The following NBEA variants were observed in gnomAD, a reference collection of about 807,000 sequenced individuals.
NBEA encodes neurobeachin.
Under a neutral mutation model 343.4 loss-of-function variants are expected in NBEA, and 44 were observed. The observed-to-expected ratio is 0.13, with a 90% CI of 0.10 to 0.16. The LOEUF (loss-of-function observed/expected upper bound fraction) is 0.16, where lower values mean the gene tolerates loss of function less well. Ranked by LOEUF, NBEA falls within the 10% of genes least tolerant of loss-of-function variation. The pLI is 1.00. For synonymous variants in NBEA, 1,175 were observed against 1,238.7 expected, an observed-to-expected ratio of 0.95 and a Z score of 1.08; for missense variants, 2,555 against 3,631.3, an observed-to-expected ratio of 0.70 and a Z score of 7.62.
chr13:34,944,652 T>A (rs2059134129), intron 1 of NBEA, among the ~76,000 whole-genome samples: 1 of 152,014 alleles, frequency 6.6e-6, no homozygotes, highest in South Asian at 2.1e-4. Flanking sequence ...AAATAAGAGG[T>A]CAGTACTTGC....
At chr13:35,270,068 A>G (rs554632752) in intron 34 of NBEA, among the ~76,000 whole-genome samples, 3 of 152,294 alleles carry the variant, frequency 2.0e-5, no homozygotes, top group African/African-American at 7.2e-5. Flanking sequence ...ACTTGACCTG[A>G]TGTTCTGAGA....
intron 1 of NBEA, among the ~76,000 whole-genome samples, chr13:34,948,709 G>A (rs1201447804): frequency 2.0e-5 from 3 of 152,100 alleles, no homozygotes; most frequent in African/African-American, 7.2e-5. Context: ...TAGCAGTTCC[G>A]TTTTACAGAG....
intron 31 of NBEA, among the ~76,000 whole-genome samples, chr13:35,202,618 C>A (rs977790596): frequency 6.6e-6 from 1 of 152,106 alleles, no homozygotes; most frequent in Non-Finnish European, 1.5e-5. Context: ...TATCCTTATA[C>A]CACTTTTCCT....
intron 17 of NBEA, among the ~76,000 whole-genome samples, chr13:35,139,889 G>T (rs555437771): frequency 6.6e-6 from 1 of 151,446 alleles, no homozygotes; most frequent in Non-Finnish European, 1.5e-5. Context: ...AGTTTCCCCC[G>T]AACCTAGAAT....
chr13:35,124,428 A>G (rs570199554), intron 17 of NBEA, among the ~76,000 whole-genome samples: 11 of 151,260 alleles, frequency 7.3e-5, no homozygotes, highest in Admixed American at 2.0e-4. Flanking sequence ...TAGATATACT[A>G]TGGATATGGA....
At chr13:35,355,124 A>ACTG (rs2040419166) in intron 38 of NBEA, among the ~76,000 whole-genome samples, 1 of 152,114 alleles carries the variant, frequency 6.6e-6, no homozygotes, top group Non-Finnish European at 1.5e-5. Context: ...TCCAGCTTCG[A>ACTG]CTGCTTCTCA....
intron 44 of NBEA, among the ~76,000 whole-genome samples, chr13:35,558,726 C>T (rs2079708209): frequency 6.6e-6 from 1 of 152,234 alleles, no homozygotes; most frequent in African/African-American, 2.4e-5. Flanking sequence ...CTAGTTGGTT[C>T]TGATACAAAA....
intron 41 of NBEA, among the ~76,000 whole-genome samples, chr13:35,507,750 G>A (rs1385760080): frequency 3.3e-5 from 5 of 152,092 alleles, no homozygotes; most frequent in Non-Finnish European, 7.4e-5. Context: ...ATGTAGATAA[G>A]CCTCTTCTGG....
At chr13:35,442,961 A>G (rs374880736) in intron 39 of NBEA, among the ~76,000 whole-genome samples, 8 of 152,114 alleles carry the variant, frequency 5.3e-5, no homozygotes, top group African/African-American at 1.4e-4. Context: ...TATTGATCCA[A>G]TTCTTTTGCT....
chr13:35,260,839 G>A (rs2033143778), intron 34 of NBEA, among the ~76,000 whole-genome samples: 1 of 152,182 alleles, frequency 6.6e-6, no homozygotes. Flanking sequence ...GGGACAGAGA[G>A]TAGACAGTCC....
intron 36 of NBEA, among the ~76,000 whole-genome samples, chr13:35,323,606 C>G (rs961945761): frequency 4.0e-5 from 6 of 150,886 alleles, no homozygotes; most frequent in African/African-American, 1.5e-4. Context: ...GGAGATATAC[C>G]TAATGCTAGA....
intron 28 of NBEA, among the ~76,000 whole-genome samples, chr13:35,181,325 A>G (rs2152730152): frequency 6.6e-6 from 1 of 151,608 alleles, no homozygotes; most frequent in African/African-American, 2.4e-5. Context: ...CATCTGTGCT[A>G]ATAACTATTA....
chr13:35,662,236 GA>G (rs776708173), intron 55 of NBEA, among the ~76,000 whole-genome samples: 1 of 152,138 alleles, frequency 6.6e-6, no homozygotes, highest in Non-Finnish European at 1.5e-5. Context: ...TGTCTATAAG[GA>G]ATCTAAAAAT....
At chr13:35,016,920 G>T (rs1378522940) in intron 1 of NBEA, among the ~76,000 whole-genome samples, 1 of 152,100 alleles carries the variant, frequency 6.6e-6, no homozygotes, top group Non-Finnish European at 1.5e-5. Context: ...CTGAGTGATT[G>T]GATCCTTTAA....
intron 10 of NBEA, among the ~76,000 whole-genome samples, chr13:35,078,669 G>A (rs1148328): frequency 0.92 from 139,572 of 152,184 alleles, 64,133 homozygotes; most frequent in Admixed American, 0.97. Context: ...TGGAAAAGTC[G>A]GTAATTGGGA....
chr13:35,093,355 A>T lies in NBEA; in HGVS notation c.1572-4942A>T, dbSNP rs1419249589. Among the ~76,000 whole-genome samples, 7 of 151,990 alleles carry T rather than the reference A, an allele frequency of 4.6e-5. No homozygotes were observed. The East Asian group carries it at 1.4e-3, about 29-fold the overall frequency. ...GAGAAATTTCACTGCATGGTCATTT[A>T]AAAAATAAAATTAACTATTAAAAGA... On this transcript the variant is annotated intron_variant, in intron 10 of 58. Transcript: ENST00000379939.
intron 38 of NBEA, among the ~76,000 whole-genome samples, chr13:35,393,678 T>C (rs1259869692): frequency 6.6e-6 from 1 of 152,114 alleles, no homozygotes; most frequent in African/African-American, 2.4e-5. Context: ...ACCAATGATA[T>C]CCAAATTTGC....
At chr13:35,056,257 A>C (rs999085007) in intron 7 of NBEA, 128 bp downstream of exon 7, 7 of 850,534 alleles carry the variant, frequency 8.2e-6, no homozygotes, top group Non-Finnish European at 1.1e-5. Flanking sequence ...TTTTTATTAA[A>C]TAAATCTTTC....
At position 35,176,889 on chromosome 13, in the gene NBEA, A is replaced by G. The variant is rs368801017; in HGVS notation, c.4555-107A>G. 8.4e-5 allele frequency: 56 copies of G among 664,550 alleles called. No individual in the cohort carries two copies. The East Asian group carries it at 1.2e-3, about 14-fold the overall frequency. 41.2% of individuals were successfully genotyped at this position (664,550 alleles called of 1,614,324 possible). The stretch of plus-strand genomic sequence containing the variant: ...TTATGATCAATAAATGTTAACTCAG[A>G]GAGGTGGAGATACATGATGTGACCA... On this transcript the variant is annotated intron_variant, in intron 27 of 58. Transcript: ENST00000379939.
Sources: gnomAD v4.1 joint callset for allele counts (sites outside exome capture counted in the v4.1 genomes callset) on GRCh38, gnomAD v4.1.1 for gene constraint, MANE v1.5 for transcripts, NCBI Gene and HGNC (gene_info 2026-07-23, HGNC 2026-07-21) for gene names.